MUC7: variants seen among roughly 807,000 people sequenced by gnomAD.
MUC7 encodes the protein mucin 7, secreted, also known as mucin-7.
In MUC7, 2 loss-of-function variants were observed where a neutral mutation model predicts 2.5. That is an observed-to-expected ratio of 0.81 (90% CI 0.33 to 2.55). The LOEUF (loss-of-function observed/expected upper bound fraction) is 2.55. Ranked by LOEUF, MUC7 falls within the 30% of genes most tolerant of loss-of-function variation. MUC7 has a pLI of 0.11. For missense variants in MUC7, 408 were observed against 455.6 expected (o/e 0.90, Z 0.95); for synonymous variants, 133 against 173.4 (o/e 0.77, Z 1.83).
intron 1 of MUC7, among the ~76,000 whole-genome samples, chr4:70,449,313 T>C (rs1734222051): frequency 6.6e-6 from 1 of 152,120 alleles, no homozygotes; most frequent in African/African-American, 2.4e-5. Context: ...CTCACAATTG[T>C]GACGGAAAGC....
rs147528190 is a variant in MUC7 at position 70,449,237 on chromosome 4, C to T, written c.-93+18550C>T. Among the ~76,000 whole-genome samples the T allele has an allele frequency of 2.4e-3, 362 of 152,188 alleles. 1 individual carries two copies. Among genetic ancestry groups the T allele is most frequent in the African/African-American group, 8.3e-3 (346 of 41,516 alleles). ...TTTTCACGTTACTGATAAAGACATA[C>T]TTGAGACTGGGTAATTTATACAGAA... On this transcript the variant is annotated intron_variant, in intron 1 of 3. Coordinates refer to the MUC7 transcript ENST00000413702.
chr4:70,438,348 CT>C (rs1440868645), intron 1 of MUC7, among the ~76,000 whole-genome samples: 4 of 152,118 alleles, frequency 2.6e-5, no homozygotes, highest in African/African-American at 4.8e-5. Flanking sequence ...AGCTCAAATT[CT>C]TAAAGACTGT....
At chr4:70,446,685 G>A (rs1383106668) in intron 1 of MUC7, among the ~76,000 whole-genome samples, 1 of 152,010 alleles carries the variant, frequency 6.6e-6, no homozygotes, top group African/African-American at 2.4e-5. Flanking sequence ...ATCTTTTGGT[G>A]GACACAATTC....
At chr4:70,431,919 C>T (rs928894117) in intron 1 of MUC7, among the ~76,000 whole-genome samples, 1 of 152,040 alleles carries the variant, frequency 6.6e-6, no homozygotes, top group South Asian at 2.1e-4. Flanking sequence ...CACGACAGGC[C>T]CCGGTGTGTG....
At chr4:70,478,340 C>T (rs901954766) in intron 2 of MUC7, among the ~76,000 whole-genome samples, 16 of 152,066 alleles carry the variant, frequency 1.1e-4, no homozygotes, top group African/African-American at 3.9e-4. Flanking sequence ...TGCCATATGC[C>T]AGGCATAGTT....
chr4:70,440,794 A>G (rs747089937), intron 1 of MUC7, among the ~76,000 whole-genome samples: 1 of 152,134 alleles, frequency 6.6e-6, no homozygotes, highest in Non-Finnish European at 1.5e-5. Flanking sequence ...AAAACAAAAT[A>G]GAGGAAAAAG....
At chr4:70,436,339 A>G (rs1733832265) in intron 1 of MUC7, among the ~76,000 whole-genome samples, 2 of 152,184 alleles carry the variant, frequency 1.3e-5, no homozygotes, top group Admixed American at 1.3e-4. Flanking sequence ...AGGTATACCA[A>G]TCAAACGTAG....
At chr4:70,454,780 G>A (rs755848422) in intron 1 of MUC7, among the ~76,000 whole-genome samples, 80 of 152,262 alleles carry the variant, frequency 5.3e-4, no homozygotes, top group African/African-American at 1.6e-3. Context: ...GAAACCCAAC[G>A]GGGTGAATGC....
At chr4:70,449,588 T>C (rs1197470413) in intron 1 of MUC7, among the ~76,000 whole-genome samples, 1 of 152,146 alleles carries the variant, frequency 6.6e-6, no homozygotes, top group Admixed American at 6.5e-5. Flanking sequence ...TTTGTACCTG[T>C]CCTTCTTGGG....
chr4:70,441,915 A>G (rs995687909), intron 1 of MUC7, among the ~76,000 whole-genome samples: 3 of 152,240 alleles, frequency 2.0e-5, no homozygotes, highest in Non-Finnish European at 2.9e-5. Flanking sequence ...CCAGTTATTC[A>G]AAGAAAATAT....
chr4:70,479,870 C>G lies in MUC7; in HGVS notation c.55-929C>G, dbSNP rs182531344. 8.5e-5 allele frequency among the ~76,000 whole-genome samples: 13 copies of G among 152,278 alleles called. No homozygotes were observed. The East Asian group carries it at 2.5e-3, about 29-fold the overall frequency. Reference sequence around the variant, plus strand: ...GGAAATCTTCATGAAGAAAATTCTACTCAGTTAAGAATGAAAATCCCAAAA... The same window carrying G: ...GGAAATCTTCATGAAGAAAATTCTAGTCAGTTAAGAATGAAAATCCCAAAA... On this transcript the variant is annotated intron_variant, in intron 2 of 2. Transcript: ENST00000304887.
At chr4:70,459,092 A>T (rs1734482210) in intron 1 of MUC7, among the ~76,000 whole-genome samples, 1 of 152,238 alleles carries the variant, frequency 6.6e-6, no homozygotes, top group Admixed American at 6.5e-5. Context: ...AGAAAATTTA[A>T]CATGCATTTT....
At chr4:70,458,633 TGA>T (rs961089578) in intron 1 of MUC7, among the ~76,000 whole-genome samples, 5 of 150,842 alleles carry the variant, frequency 3.3e-5, no homozygotes, top group Non-Finnish European at 7.4e-5. Context: ...ACTAAGATAA[TGA>T]GAAAAAAAGA....
At chr4:70,470,827 C>T (rs1734817290), upstream of MUC7, among the ~76,000 whole-genome samples, 1 of 152,178 alleles carries the variant, frequency 6.6e-6, no homozygotes, top group African/African-American at 2.4e-5. Flanking sequence ...ATTGCTATCT[C>T]AAAAACTGTC....
Position 70,481,199 on chromosome 4 carries a change from C to T in MUC7, c.455C>T (p.Ala152Val). The T allele has an allele frequency of 6.2e-7, 1 of 1,614,196 alleles. No individual in the cohort carries two copies. The highest frequency in any genetic ancestry group is 8.5e-7 in the Non-Finnish European group (1 of 1,180,024). ...RENVNTSSSV[A>V]TLAPVNSPAP... Reference sequence around the variant, plus strand: ...AATGTTAACACAAGCTCTTCTGTAGCTACATTAGCACCAGTGAATTCCCCA... The same window carrying T: ...AATGTTAACACAAGCTCTTCTGTAGTTACATTAGCACCAGTGAATTCCCCA... The change falls in exon 3 of 3, where the codon GCT becomes GTT. Residue 152 changes from alanine to valine, a missense_variant. Transcript: ENST00000304887.
intron 2 of MUC7, among the ~76,000 whole-genome samples, chr4:70,478,173 T>C (rs1187172847): frequency 6.6e-6 from 1 of 152,210 alleles, no homozygotes; most frequent in East Asian, 1.9e-4. Context: ...CATATAAAAA[T>C]GTGGTAGGTA....
chr4:70,481,794 T>C lies in MUC7; in HGVS notation c.1050T>C (p.Ala350=), dbSNP rs1358486060. ...CTACTACTAAACAACCAACTTCAGC[T>C]CCTGGCCAAAATAAAATTTCTCGAT... ...QTTTTKQPTS[A]PGQNKISRFL... is the part of the protein sequence containing the mutation. The change falls in exon 3 of 3, where the codon GCT becomes GCC. Residue 350 remains alanine (A), a synonymous_variant. Coordinates refer to ENST00000304887, the MANE Select transcript of MUC7 (RefSeq NM_152291.3). 3.1e-6 allele frequency: 5 copies of C among 1,614,182 alleles called. No individual in the cohort carries two copies. Among genetic ancestry groups the C allele is most frequent in the Non-Finnish European group, 4.2e-6 (5 of 1,180,024 alleles).
At chr4:70,465,664 T>C (rs139438418) in intron 1 of MUC7, among the ~76,000 whole-genome samples, 2,052 of 152,064 alleles carry the variant, frequency 0.013, 48 homozygotes, top group African/African-American at 0.047. Flanking sequence ...GAAGATCAAC[T>C]TAATGAAATA....
intron 1 of MUC7, among the ~76,000 whole-genome samples, chr4:70,431,911 C>T (rs948707799): frequency 1.3e-4 from 19 of 151,978 alleles, no homozygotes; most frequent in South Asian, 4.2e-4. Flanking sequence ...CCCCACCCCA[C>T]GACAGGCCCC....
Sources: allele counts gnomAD v4.1 joint callset (sites outside exome capture counted in the v4.1 genomes callset), GRCh38; gene constraint gnomAD v4.1.1; transcripts MANE v1.5; gene names NCBI Gene and HGNC (gene_info 2026-07-23, HGNC 2026-07-21).